CDH11: variants seen among roughly 807,000 people sequenced by gnomAD.
CDH11 encodes the protein cadherin 11, also known as cadherin-11.
Under a neutral mutation model 67.8 loss-of-function variants are expected in CDH11, and 11 were observed. That is an observed-to-expected ratio of 0.16 (90% CI 0.10 to 0.27). The LOEUF (loss-of-function observed/expected upper bound fraction) is 0.27. Ranked by LOEUF, CDH11 falls within the 10% of genes least tolerant of loss-of-function variation. The pLI is 1.00. For synonymous variants in CDH11, 419 were observed against 400.0 expected (o/e 1.05, Z -0.57); for missense variants, 847 against 1,031.2 (o/e 0.82, Z 2.45).
At chr16:64,975,270 A>C (rs2072131488) in intron 8 of CDH11, among the ~76,000 whole-genome samples, 2 of 152,212 alleles carry the variant, frequency 1.3e-5, no homozygotes, top group African/African-American at 4.8e-5. Context: ...AAACTGTGGA[A>C]GCTCTCATAT....
chr16:65,078,953 G>T (rs544182684), intron 1 of CDH11, among the ~76,000 whole-genome samples: 4 of 152,330 alleles, frequency 2.6e-5, no homozygotes, highest in South Asian at 2.1e-4. Context: ...ACACCAATTT[G>T]GATGTGAAAA....
intron 2 of CDH11, among the ~76,000 whole-genome samples, chr16:65,006,711 G>A (rs2073062479): frequency 6.6e-6 from 1 of 152,144 alleles, no homozygotes; most frequent in Non-Finnish European, 1.5e-5. Flanking sequence ...AATGGGTCAA[G>A]GTCTGATATG....
chr16:64,965,252 G>A (rs901085926), intron 11 of CDH11, among the ~76,000 whole-genome samples: 2 of 151,162 alleles, frequency 1.3e-5, no homozygotes, highest in African/African-American at 4.9e-5. Context: ...TGTGCTGGCG[G>A]GCGCCTGTAA....
chr16:65,017,015 A>G (rs934011291), intron 2 of CDH11, among the ~76,000 whole-genome samples: 2 of 152,196 alleles, frequency 1.3e-5, no homozygotes, highest in African/African-American at 4.8e-5. Flanking sequence ...AGAGGAATGC[A>G]TTATAATTAG....
intron 1 of CDH11, among the ~76,000 whole-genome samples, chr16:65,082,781 T>C (rs2074632269): frequency 6.6e-6 from 1 of 152,220 alleles, no homozygotes; most frequent in South Asian, 2.1e-4. Flanking sequence ...GAAAAGATAT[T>C]TAACTTCGGT....
At chr16:64,981,729 T>C in intron 8 of CDH11, 1 of 214,648 alleles carries the variant, frequency 4.7e-6, no homozygotes, top group East Asian at 1.0e-4. Context: ...ATTACTATAA[T>C]TATTTCACAA....
chr16:65,110,841 G>A (rs139069051), intron 1 of CDH11, among the ~76,000 whole-genome samples: 331 of 152,210 alleles, frequency 2.2e-3, no homozygotes, highest in Non-Finnish European at 4.2e-3. Context: ...CTAAACATAG[G>A]AAGGTGGTTC....
intron 1 of CDH11, among the ~76,000 whole-genome samples, chr16:65,057,536 C>T (rs1198821718): frequency 6.6e-6 from 1 of 152,178 alleles, no homozygotes; most frequent in Non-Finnish European, 1.5e-5. Flanking sequence ...ACTCAGTAAG[C>T]ATACCAAAAT....
intron 6 of CDH11, among the ~76,000 whole-genome samples, chr16:64,990,562 G>A (rs1567512855): frequency 6.6e-6 from 1 of 152,126 alleles, no homozygotes; most frequent in Non-Finnish European, 1.5e-5. Flanking sequence ...TACATACATA[G>A]ACAGACTTGT....
chr16:65,032,806 C>G (rs956036659), intron 2 of CDH11, among the ~76,000 whole-genome samples: 1 of 152,156 alleles, frequency 6.6e-6, no homozygotes, highest in African/African-American at 2.4e-5. Flanking sequence ...TACTTGCATA[C>G]AGACATTCCT....
chr16:65,043,735 T>C (rs772562015), intron 2 of CDH11, among the ~76,000 whole-genome samples: 1 of 152,182 alleles, frequency 6.6e-6, no homozygotes, highest in Non-Finnish European at 1.5e-5. Flanking sequence ...TTTCTTACTG[T>C]TCTTGATGCT....
At chr16:65,032,886 G>A (rs923652804) in intron 2 of CDH11, among the ~76,000 whole-genome samples, 2 of 152,122 alleles carry the variant, frequency 1.3e-5, no homozygotes, top group Non-Finnish European at 2.9e-5. Flanking sequence ...CCTGATTAAC[G>A]TTTCAATAAG....
chr16:65,029,729 T>A (rs938622537), intron 2 of CDH11, among the ~76,000 whole-genome samples: 2 of 152,204 alleles, frequency 1.3e-5, no homozygotes, highest in Admixed American at 1.3e-4. Context: ...GTAAATCGCT[T>A]GTCCTTATTC....
In CDH11 at chr16:65,100,006, A is replaced by C. The variant is rs139563445; in HGVS notation, c.-298+21874T>G. 1.6e-3 allele frequency among the ~76,000 whole-genome samples: 249 copies of C among 152,318 alleles called. 1 individual carries two copies. Among genetic ancestry groups the C allele is most frequent in the African/African-American group, 5.6e-3 (232 of 41,572 alleles). On this transcript the variant is annotated intron_variant, in intron 1 of 12. Coordinates refer to ENST00000268603, the MANE Select transcript of CDH11 (RefSeq NM_001797.4). ...CAGAAGAGAAATGATAAGGGCAGAAAACTTTGACAATGGCAAAAGAATTAG... is the reference window on the plus strand; with the variant it reads ...CAGAAGAGAAATGATAAGGGCAGAACACTTTGACAATGGCAAAAGAATTAG...
At chr16:65,081,479 G>A (rs1056068406) in intron 1 of CDH11, among the ~76,000 whole-genome samples, 3 of 151,628 alleles carry the variant, frequency 2.0e-5, no homozygotes, top group African/African-American at 7.3e-5. Context: ...TGAGGCAGGA[G>A]AATGGCGTGA....
chr16:65,078,976 C>G (rs558070761), intron 1 of CDH11, among the ~76,000 whole-genome samples: 1 of 152,156 alleles, frequency 6.6e-6, no homozygotes, highest in Non-Finnish European at 1.5e-5. Flanking sequence ...GAAATTACCC[C>G]GGCCTAATAT....
intron 4 of CDH11, among the ~76,000 whole-genome samples, chr16:64,995,535 G>T (rs966117672): frequency 1.3e-5 from 2 of 152,186 alleles, no homozygotes; most frequent in African/African-American, 4.8e-5. Context: ...TAGCTGGCTA[G>T]CCTCATGCAG....
At chr16:65,096,775 T>C (rs909047099) in intron 1 of CDH11, among the ~76,000 whole-genome samples, 5 of 152,038 alleles carry the variant, frequency 3.3e-5, no homozygotes, top group African/African-American at 1.2e-4. Flanking sequence ...CTTATGTATA[T>C]ATTAATATTT....
At chr16:65,063,266 T>C (rs1567556288) in intron 1 of CDH11, among the ~76,000 whole-genome samples, 2 of 152,196 alleles carry the variant, frequency 1.3e-5, no homozygotes, top group Non-Finnish European at 2.9e-5. Flanking sequence ...GATGTTTTTT[T>C]CTTTTCATTT....
Sources: gnomAD v4.1 joint callset for allele counts (sites outside exome capture counted in the v4.1 genomes callset) on GRCh38, gnomAD v4.1.1 for gene constraint, MANE v1.5 for transcripts, NCBI Gene and HGNC (gene_info 2026-07-23, HGNC 2026-07-21) for gene names.